Variants in ABL2 observed in about 807,000 individuals in gnomAD.
The protein encoded by ABL2 is tyrosine-protein kinase ABL2.
ABL2 carries 49 observed loss-of-function variants against 107.7 expected under a neutral mutation model. The ratio of observed to expected loss-of-function variants is 0.45; its 90% CI spans 0.36 to 0.58. The LOEUF is 0.58. Ranked by LOEUF, ABL2 falls within the 20% of genes least tolerant of loss-of-function variation. The probability of loss-of-function intolerance (pLI) is 0.00; values close to 1 mark genes in which losing one functional copy is unlikely to be tolerated. For missense variants in ABL2, 1,245 were observed against 1,457.0 expected, an observed-to-expected ratio of 0.85 and a Z score of 2.37; for synonymous variants, 549 against 548.6, an observed-to-expected ratio of 1.00 and a Z score of -0.01.
rs1661737551 is a variant in ABL2 at position 179,202,636 on chromosome 1, A to G, written c.157+26605T>C. 5.9e-5 allele frequency among the ~76,000 whole-genome samples: 9 copies of G among 152,362 alleles called. No individual in the cohort carries two copies. The South Asian group carries it at 1.9e-3, about 32-fold the overall frequency. On this transcript the variant is annotated intron_variant, in intron 1 of 11. Transcript: ENST00000502732. ...ATCAGTGATTGATCTGTACCCTGAA[A>G]TAACTGCTGAAATGTCTTCTGCCTT... is the stretch of plus-strand genomic sequence containing the variant.
At chr1:179,202,636 A>T (rs1661737551) in intron 1 of ABL2, among the ~76,000 whole-genome samples, 1 of 152,244 alleles carries the variant, frequency 6.6e-6, no homozygotes, top group Non-Finnish European at 1.5e-5. Context: ...GTACCCTGAA[A>T]TAACTGCTGA....
chr1:179,148,569 C>G (rs1022064685), intron 1 of ABL2, among the ~76,000 whole-genome samples: 13 of 152,082 alleles, frequency 8.5e-5, no homozygotes, highest in Admixed American at 1.3e-4. Flanking sequence ...TGTCTCACTC[C>G]CTCTCCTCAA....
chr1:179,219,597 T>C (rs116028215), intron 1 of ABL2, among the ~76,000 whole-genome samples: 2,717 of 152,288 alleles, frequency 0.018, 31 homozygotes, highest in Middle Eastern at 0.065. Flanking sequence ...AACCAGGCAC[T>C]ACATATACTG....
At chr1:179,135,138 T>C (rs1463747589) in intron 1 of ABL2, among the ~76,000 whole-genome samples, 1 of 152,172 alleles carries the variant, frequency 6.6e-6, no homozygotes, top group Non-Finnish European at 1.5e-5. Context: ...TTGCAGCCTC[T>C]GCCCGGCCGC....
intron 1 of ABL2, among the ~76,000 whole-genome samples, chr1:179,148,644 G>A (rs1658169680): frequency 6.6e-6 from 1 of 152,174 alleles, no homozygotes; most frequent in Non-Finnish European, 1.5e-5. Flanking sequence ...GCTCACGCCT[G>A]TAATCTCAGC....
chr1:179,202,228 T>G (rs1661715329), intron 1 of ABL2, among the ~76,000 whole-genome samples: 1 of 152,200 alleles, frequency 6.6e-6, no homozygotes. Context: ...AAGAAAATCT[T>G]GGCTCTTATT....
At position 179,109,360 on chromosome 1, in the gene ABL2, A is replaced by G; in HGVS notation, c.1907T>C (p.Leu636Ser). ...GAAGCATGTCTCTTTGGCATCTTCC[A>G]AGAGGCTGCTGGGTGACTTGTCTCT... ...KQRDKSPSSL[L>S]EDAKETCFTR... The change falls in exon 12 of 12, where the codon TTG (leucine) becomes TCG (serine). Residue 636 changes from leucine (L) to serine (S), a missense_variant. By Grantham distance (145) the Leu-to-Ser change is moderately radical. Coordinates refer to ENST00000502732, the MANE Select transcript of ABL2 (RefSeq NM_007314.4). 6.2e-7 allele frequency: 1 copy of G among 1,614,146 alleles called. No individual in the cohort carries two copies. The highest frequency in any genetic ancestry group is 1.1e-5 in the South Asian group (1 of 91,072).
At chr1:179,150,450 T>C (rs947420604) in intron 1 of ABL2, among the ~76,000 whole-genome samples, 11 of 152,134 alleles carry the variant, frequency 7.2e-5, no homozygotes, top group African/African-American at 2.7e-4. Flanking sequence ...AGTTCAAGAC[T>C]CCAGGGGAGA....
At chr1:179,226,961 TAC>T (rs1663251569) in intron 1 of ABL2, among the ~76,000 whole-genome samples, 1 of 152,130 alleles carries the variant, frequency 6.6e-6, no homozygotes, top group Admixed American at 6.6e-5. Context: ...CACAATCCAG[TAC>T]ATAACAGGTG....
chr1:179,205,237 G>C (rs1311676153), intron 1 of ABL2, among the ~76,000 whole-genome samples: 12 of 152,060 alleles, frequency 7.9e-5, no homozygotes, highest in Non-Finnish European at 1.6e-4. Context: ...ATGTTGGTCA[G>C]GCTGGTCTCA....
chr1:179,189,173 T>C (rs375537374), intron 1 of ABL2, among the ~76,000 whole-genome samples: 11 of 152,236 alleles, frequency 7.2e-5, no homozygotes, highest in African/African-American at 2.7e-4. Context: ...TTCACTCTTG[T>C]TGCCCAGGCT....
chr1:179,204,271 C>T (rs1397233346), intron 1 of ABL2, among the ~76,000 whole-genome samples: 1 of 151,970 alleles, frequency 6.6e-6, no homozygotes, highest in Non-Finnish European at 1.5e-5. Context: ...AGGTGATCCA[C>T]CCGCCTCTGC....
intron 1 of ABL2, chr1:179,184,199 A>C: frequency 2.1e-6 from 1 of 477,342 alleles, no homozygotes; most frequent in Non-Finnish European, 3.9e-6. Flanking sequence ...ATCTGACCAA[A>C]GTTGAAGTGA....
intron 1 of ABL2, among the ~76,000 whole-genome samples, chr1:179,165,985 C>T (rs56382583): frequency 0.086 from 12,994 of 151,882 alleles, 617 homozygotes; most frequent in African/African-American, 0.093. Context: ...ACAGTAGAGA[C>T]GGGGTTTTAC....
rs188640825 is a variant in ABL2 at position 179,153,090 on chromosome 1, A to G, written c.158-19716T>C. Among the ~76,000 whole-genome samples, 304 of 152,332 alleles carry G rather than the reference A, an allele frequency of 2.0e-3. 2 individuals carry two copies. Among genetic ancestry groups the G allele is most frequent in the Non-Finnish European group, 2.3e-3 (155 of 68,016 alleles). On this transcript the variant is annotated intron_variant, in intron 1 of 11. Transcript: ENST00000502732. ...AAAAAGGAAGTTATTAGCATTCAAAAACATTTTTATCAATGAAAAGAGTGG... is the reference window on the plus strand; with the variant it reads ...AAAAAGGAAGTTATTAGCATTCAAAGACATTTTTATCAATGAAAAGAGTGG...
At chr1:179,169,148 G>T (rs184180507) in intron 1 of ABL2, among the ~76,000 whole-genome samples, 4 of 152,052 alleles carry the variant, frequency 2.6e-5, no homozygotes, top group Non-Finnish European at 5.9e-5. Context: ...AAATAGAAAT[G>T]AAATATCAGT....
intron 1 of ABL2, among the ~76,000 whole-genome samples, chr1:179,216,393 C>G (rs1250743606): frequency 6.6e-6 from 1 of 152,150 alleles, no homozygotes; most frequent in Non-Finnish European, 1.5e-5. Context: ...AAAAAGGCAA[C>G]CAAGAGTTTT....
At chr1:179,134,718 CTCTCCCTCTCCCTCTCCACGG>C (rs988432671) in intron 1 of ABL2, among the ~76,000 whole-genome samples, 1 of 151,610 alleles carries the variant, frequency 6.6e-6, no homozygotes, top group African/African-American at 2.4e-5. Flanking sequence ...CAGCCTCTCC[CTCTCCCTCTCCCTCTCCACGG>C]TCGCCCTCTC....
intron 1 of ABL2, among the ~76,000 whole-genome samples, chr1:179,225,206 C>T (rs1663123214): frequency 6.6e-6 from 1 of 152,062 alleles, no homozygotes; most frequent in African/African-American, 2.4e-5. Flanking sequence ...ATATTATTAA[C>T]GATAAAAAAT....
Sources: gnomAD v4.1 joint callset for allele counts (sites outside exome capture counted in the v4.1 genomes callset) on GRCh38, gnomAD v4.1.1 for gene constraint, MANE v1.5 for transcripts, NCBI Gene and HGNC (gene_info 2026-07-23, HGNC 2026-07-21) for gene names.